KIRREL3: variants seen among roughly 807,000 people sequenced by gnomAD.
KIRREL3 encodes the protein kin of IRRE-like protein 3.
Under a neutral mutation model 89.7 loss-of-function variants are expected in KIRREL3, and 36 were observed. That is an observed-to-expected ratio of 0.40 (90% CI 0.31 to 0.53). The LOEUF (loss-of-function observed/expected upper bound fraction) is 0.53, where lower values mean the gene tolerates loss of function less well. KIRREL3 is among the 20% of genes least tolerant of loss of function. The pLI, the probability that KIRREL3 is intolerant of heterozygous loss-of-function variation, is 0.49. For missense variants in KIRREL3, 864 were observed against 1,056.6 expected (o/e 0.82, Z 2.53); for synonymous variants, 445 against 441.4 (o/e 1.01, Z -0.10).
At chr11:126,604,728 A>C (rs1211360934) in intron 1 of KIRREL3, among the ~76,000 whole-genome samples, 1 of 152,182 alleles carries the variant, frequency 6.6e-6, no homozygotes, top group African/African-American at 2.4e-5. Context: ...GCCCACTTCT[A>C]AACAAGCGTG....
chr11:126,678,425 C>T (rs546142994), intron 1 of KIRREL3, among the ~76,000 whole-genome samples: 40 of 151,740 alleles, frequency 2.6e-4, no homozygotes, highest in African/African-American at 9.4e-4. Context: ...ATGGTGAAAC[C>T]CTGTCTCTAC....
rs1009868965 is a variant in KIRREL3 at position 126,640,551 on chromosome 11, T to C, written c.56-77639A>G. ...CAGCTTTTTCCTTCTGGGCTGCTTG[T>C]ACCTGAAATGTGTGGCGAAGAGGGT... On this transcript the variant is annotated intron_variant, in intron 1 of 16. Coordinates refer to ENST00000525144, the MANE Select transcript of KIRREL3 (RefSeq NM_032531.4). This position sits in a 1 kb window ranked among gnomAD's most constrained non-coding sequence, Gnocchi z 4.9. 3.3e-5 allele frequency among the ~76,000 whole-genome samples: 5 copies of C among 152,188 alleles called. No homozygotes were observed. The highest frequency in any genetic ancestry group is 7.4e-5 in the Non-Finnish European group (5 of 68,016).
chr11:126,875,206 C>T (rs1233683324), intron 1 of KIRREL3, among the ~76,000 whole-genome samples: 2 of 152,126 alleles, frequency 1.3e-5, no homozygotes, highest in African/African-American at 4.8e-5. Flanking sequence ...AAAGCGTAGG[C>T]CATTGGCTCA....
chr11:126,557,332 G>A lies in KIRREL3; in HGVS notation c.133+5503C>T, dbSNP rs564411008. ...GGCTGCCAAGGAAAGCCAGTCTATT[G>A]ACTTTTTTGTACTGGTTCCTTTGGT... is the stretch of plus-strand genomic sequence containing the variant. On this transcript the variant is annotated intron_variant, in intron 2 of 16. Transcript: ENST00000525144. This position sits in a 1 kb window ranked among gnomAD's most constrained non-coding sequence, Gnocchi z 5.6. Among the ~76,000 whole-genome samples the A allele has an allele frequency of 6.6e-6, 1 of 152,322 alleles. No homozygotes were observed. The highest frequency in any genetic ancestry group is 2.1e-4 in the South Asian group (1 of 4,822).
chr11:126,740,164 A>C lies in KIRREL3; in HGVS notation c.56-177252T>G, dbSNP rs1948932668. On this transcript the variant is annotated intron_variant, in intron 1 of 16. Coordinates refer to ENST00000525144, the MANE Select transcript of KIRREL3 (RefSeq NM_032531.4). This position sits in a 1 kb window ranked among gnomAD's most constrained non-coding sequence, Gnocchi z 6.0. Reference sequence around the variant, plus strand: ...TATTTAAGTCATTGCTCTATTTTCAAGATATTATTTTTTAGAGGTGGCATC... The same window carrying C: ...TATTTAAGTCATTGCTCTATTTTCACGATATTATTTTTTAGAGGTGGCATC... Among the ~76,000 whole-genome samples the C allele has an allele frequency of 6.6e-6, 1 of 152,030 alleles. No individual in the cohort carries two copies.
intron 2 of KIRREL3, among the ~76,000 whole-genome samples, chr11:126,536,764 C>A (rs1359488844): frequency 6.7e-6 from 1 of 149,358 alleles, no homozygotes; most frequent in Non-Finnish European, 1.5e-5. Flanking sequence ...CCTGCTTTAG[C>A]CTCCAAAGTA....
Position 126,473,344 on chromosome 11 carries a change from T to C in KIRREL3, c.556A>G (p.Lys186Glu). ...KPAASIIWLR[K>E]GEVINGATYS... ...GTGGCCCCATTGATGACCTCTCCCT[T>C]TCGCAACCAGATGATGGAGGCTGCA... Residue 186 changes from lysine to glutamate, a missense_variant, in exon 5 of 17, where the codon AAG becomes GAG. Transcript: ENST00000525144. 1 of 1,458,258 alleles carries C rather than the reference T, an allele frequency of 6.9e-7. No homozygotes were observed. The highest frequency in any genetic ancestry group is 9.2e-7 in the Non-Finnish European group (1 of 1,092,282). The allele number at this position is 1,458,258 out of a possible 1,614,324, so 90.3% of individuals were successfully genotyped here.
chr11:126,847,441 C>T (rs774563813), intron 1 of KIRREL3, among the ~76,000 whole-genome samples: 8 of 152,022 alleles, frequency 5.3e-5, no homozygotes, highest in Non-Finnish European at 1.2e-4. Context: ...TTTTAATCCT[C>T]TTCAAAAGGT....
rs1950641899 is a variant in KIRREL3 at position 126,791,593 on chromosome 11, T to C, written c.55+208862A>G. On this transcript the variant is annotated intron_variant, in intron 1 of 16. Transcript: ENST00000525144. This position sits in a 1 kb window ranked among gnomAD's most constrained non-coding sequence, Gnocchi z 4.8. ...GAGAAGGCTGGAGCCAAGCCTTTTG[T>C]AGGCAAAGGGATCTGAGTGCAGTTT... is the stretch of plus-strand genomic sequence containing the variant. Among the ~76,000 whole-genome samples, 2 of 152,232 alleles carry C rather than the reference T, an allele frequency of 1.3e-5. No homozygotes were observed. Among genetic ancestry groups the C allele is most frequent in the Non-Finnish European group, 2.9e-5 (2 of 68,038 alleles).
intron 10 of KIRREL3, among the ~76,000 whole-genome samples, chr11:126,442,939 C>T (rs536497743): frequency 1.3e-5 from 2 of 152,348 alleles, no homozygotes; most frequent in South Asian, 4.1e-4. Flanking sequence ...AGAAAGAGAC[C>T]TGGAGAGTGC....
rs577900633 is a variant in KIRREL3, at chr11:126,520,366, C to G, written c.433+949G>C. ...CGAGGTGGGGCAGGTAGCCCTGGAG[C>G]CCTGGCCAGGAGCCCATGGGCCAAG... On this transcript the variant is annotated intron_variant, in intron 4 of 16. Coordinates refer to ENST00000525144, the MANE Select transcript of KIRREL3 (RefSeq NM_032531.4). The surrounding 1 kb of genome is among the most constrained non-coding windows in gnomAD (Gnocchi z 4.9). Among the ~76,000 whole-genome samples the G allele has an allele frequency of 3.9e-5, 6 of 152,274 alleles. No homozygotes were observed. The highest frequency in any genetic ancestry group is 1.4e-4 in the African/African-American group (6 of 41,554).
chr11:126,924,077 A>T lies in KIRREL3; in HGVS notation c.55+76378T>A, dbSNP rs1470220355. On this transcript the variant is annotated intron_variant, in intron 1 of 16. Coordinates refer to ENST00000525144, the MANE Select transcript of KIRREL3 (RefSeq NM_032531.4). The surrounding 1 kb of genome is among the most constrained non-coding windows in gnomAD (Gnocchi z 4.7). Reference sequence around the variant, plus strand: ...AAAATCTTACTTCTAAATATTGTTCATCTCTCTATTCCCAGTACTCGTCAT... The same window carrying T: ...AAAATCTTACTTCTAAATATTGTTCTTCTCTCTATTCCCAGTACTCGTCAT... Among the ~76,000 whole-genome samples the T allele has an allele frequency of 6.6e-6, 1 of 152,142 alleles. No individual in the cohort carries two copies. Among genetic ancestry groups the T allele is most frequent in the African/African-American group, 2.4e-5 (1 of 41,428 alleles).
chr11:126,849,071 T>C (rs113722102), intron 1 of KIRREL3, among the ~76,000 whole-genome samples: 2,044 of 152,262 alleles, frequency 0.013, 48 homozygotes, highest in African/African-American at 0.047. Context: ...AGTGAAGGCA[T>C]TCTTAATCAC....
rs1945301783 is a variant in KIRREL3, at chr11:126,876,738, C to T, written c.55+123717G>A. The stretch of plus-strand genomic sequence containing the variant: ...TATTTTTAGTAGAGATGGGGTTTCA[C>T]CATGTTGGCCAGGCTGGTTTTGAAC... On this transcript the variant is annotated intron_variant, in intron 1 of 16. Coordinates refer to ENST00000525144, the MANE Select transcript of KIRREL3 (RefSeq NM_032531.4). The surrounding 1 kb of genome is among the most constrained non-coding windows in gnomAD (Gnocchi z 4.1). 6.6e-6 allele frequency among the ~76,000 whole-genome samples: 1 copy of T among 152,062 alleles called. No homozygotes were observed. Among genetic ancestry groups the T allele is most frequent in the Admixed American group, 6.5e-5 (1 of 15,270 alleles).
Position 126,754,954 on chromosome 11 carries a change from G to A in KIRREL3, c.56-192042C>T, listed in dbSNP as rs138017656. ...TGAGCAAATACACAGCAAGAGAGGCGGATGTGAAGAAAAGCTGTTTGCTTG... is the reference window on the plus strand; with the variant it reads ...TGAGCAAATACACAGCAAGAGAGGCAGATGTGAAGAAAAGCTGTTTGCTTG... On this transcript the variant is annotated intron_variant, in intron 1 of 16. Transcript: ENST00000525144. This position sits in a 1 kb window ranked among gnomAD's most constrained non-coding sequence, Gnocchi z 5.1. Among the ~76,000 whole-genome samples, 73 of 152,278 alleles carry A rather than the reference G, an allele frequency of 4.8e-4. No individual in the cohort carries two copies. Among genetic ancestry groups the A allele is most frequent in the African/African-American group, 1.3e-3 (54 of 41,544 alleles).
At position 126,620,258 on chromosome 11, in the gene KIRREL3, G is replaced by C. The variant is rs370560316; in HGVS notation, c.56-57346C>G. Among the ~76,000 whole-genome samples, 1 of 151,802 alleles carries C rather than the reference G, an allele frequency of 6.6e-6. No individual in the cohort carries two copies. Among genetic ancestry groups the C allele is most frequent in the Non-Finnish European group, 1.5e-5 (1 of 67,970 alleles). On this transcript the variant is annotated intron_variant, in intron 1 of 16. Coordinates refer to ENST00000525144, the MANE Select transcript of KIRREL3 (RefSeq NM_032531.4). This position sits in a 1 kb window ranked among gnomAD's most constrained non-coding sequence, Gnocchi z 4.8. ...TCCCTTGTTCTTTGAATTGATCCTT[G>C]GATTCTAGACCCAAGGTGGATTCTA...
Position 126,553,292 on chromosome 11 carries a change from C to A in KIRREL3, c.133+9543G>T, listed in dbSNP as rs142723361. On this transcript the variant is annotated intron_variant, in intron 2 of 16. Transcript: ENST00000525144. The surrounding 1 kb of genome is among the most constrained non-coding windows in gnomAD (Gnocchi z 4.7). ...TTTTTTTTAAATGACACTCTGAGCACTTCTATCTTCTACTGAGTAAGGAAA... is the reference window on the plus strand; with the variant it reads ...TTTTTTTTAAATGACACTCTGAGCAATTCTATCTTCTACTGAGTAAGGAAA... Among the ~76,000 whole-genome samples, 38 of 152,154 alleles carry A rather than the reference C, an allele frequency of 2.5e-4. No individual in the cohort carries two copies. The highest frequency in any genetic ancestry group is 5.3e-4 in the Non-Finnish European group (36 of 68,030).
chr11:126,481,091 T>C (rs1044287994), intron 4 of KIRREL3, among the ~76,000 whole-genome samples: 2 of 152,180 alleles, frequency 1.3e-5, no homozygotes, highest in African/African-American at 4.8e-5. Flanking sequence ...TCTGCCCTAG[T>C]GGAGTTTACC....
chr11:126,517,823 C>G (rs1958466722), intron 4 of KIRREL3, among the ~76,000 whole-genome samples: 1 of 152,146 alleles, frequency 6.6e-6, no homozygotes, highest in Admixed American at 6.5e-5. Flanking sequence ...AAACTGAGAC[C>G]CAGGTTGAGA....
Sources: allele counts gnomAD v4.1 joint callset (sites outside exome capture counted in the v4.1 genomes callset), GRCh38; gene constraint gnomAD v4.1.1; non-coding constraint Gnocchi (gnomAD v3.1); transcripts MANE v1.5; gene names NCBI Gene and HGNC (gene_info 2026-07-23, HGNC 2026-07-21).